HDLBP: variants seen among roughly 807,000 people sequenced by gnomAD.
HDLBP encodes the protein high density lipoprotein binding protein, also known as vigilin.
In HDLBP, 30 loss-of-function variants were observed where a neutral mutation model predicts 137.3. The observed-to-expected ratio is 0.22, with a 90% CI of 0.16 to 0.30. The LOEUF is 0.30. Among genes scored for constraint, HDLBP ranks in the 10% least tolerant of loss-of-function variants. The pLI is 1.00. For missense variants in HDLBP, 1,119 were observed against 1,667.3 expected (o/e 0.67, Z 5.73); for synonymous variants, 606 against 596.0 (o/e 1.02, Z -0.24).
At chr2:241,312,607 T>C (rs955734194) in intron 1 of HDLBP, among the ~76,000 whole-genome samples, 1 of 152,212 alleles carries the variant, frequency 6.6e-6, no homozygotes, top group Non-Finnish European at 1.5e-5. Flanking sequence ...ACTTGGCAAT[T>C]GGGAAAGCCG....
intron 1 of HDLBP, among the ~76,000 whole-genome samples, chr2:241,311,960 A>G (rs1365504409): frequency 2.6e-5 from 4 of 152,224 alleles, no homozygotes; most frequent in African/African-American, 9.7e-5. Flanking sequence ...TAGGAGACAC[A>G]AATACAGACG....
intron 21 of HDLBP, 103 bp from the exon 22 acceptor site, chr2:241,235,697 G>C (rs530704290): frequency 2.7e-6 from 2 of 745,418 alleles, no homozygotes; most frequent in African/African-American, 3.4e-5. Flanking sequence ...ACAGCCCTAT[G>C]ACAACAGCAA....
rs2070780211 is a variant in HDLBP, at chr2:241,238,101, TGA to T, written c.2749+546_2749+547del. On this transcript the variant is annotated intron_variant, in intron 20 of 27. Transcript: ENST00000310931. This position sits in a 1 kb window ranked among gnomAD's most constrained non-coding sequence, Gnocchi z 4.9. Reference sequence around the variant, plus strand: ...TTTTGTTTCACAAATGCAGAGCAAGTGAGAGAGAGGCAACCGACCCGCATCCC... The same window carrying T: ...TTTTGTTTCACAAATGCAGAGCAAGTGAGAGAGGCAACCGACCCGCATCCC... 6.6e-6 allele frequency among the ~76,000 whole-genome samples: 1 copy of T among 152,122 alleles called. No individual in the cohort carries two copies. Among genetic ancestry groups the T allele is most frequent in the African/African-American group, 2.4e-5 (1 of 41,410 alleles).
Position 241,264,501 on chromosome 2 carries a change from C to A in HDLBP, c.181G>T (p.Ala61Ser), listed in dbSNP as rs11891776. The change falls in exon 4 of 28, where the codon GCT (alanine) becomes TCT (serine). Residue 61 changes from alanine to serine, a missense_variant. Coordinates refer to ENST00000310931, the MANE Select transcript of HDLBP (RefSeq NM_005336.6). Reference sequence around the variant, plus strand: ...CGGATCTTGTTCCCCCAGGCTCCAGCGGGTTCCTGGGCACTTTCCAGGCAA... The same window carrying A: ...CGGATCTTGTTCCCCCAGGCTCCAGAGGGTTCCTGGGCACTTTCCAGGCAA... ...AACLESAQEPAGAWGNKIRPI... is the reference protein window; with the variant it reads ...AACLESAQEPSGAWGNKIRPI... The A allele has an allele frequency of 3.5e-5, 57 of 1,613,346 alleles. No individual in the cohort carries two copies. The highest frequency in any genetic ancestry group is 4.3e-5 in the Non-Finnish European group (51 of 1,179,510).
At chr2:241,305,678 T>C (rs1489746190) in intron 1 of HDLBP, among the ~76,000 whole-genome samples, 1 of 151,916 alleles carries the variant, frequency 6.6e-6, no homozygotes, top group African/African-American at 2.4e-5. Flanking sequence ...GTAACAAAAA[T>C]CACCCTGGTG....
At position 241,239,640 on chromosome 2, in the gene HDLBP, C is replaced by T. The variant is rs1158451246; in HGVS notation, c.2572G>A (p.Ala858Thr). 3.7e-6 allele frequency: 6 copies of T among 1,614,210 alleles called. No homozygotes were observed. The highest frequency in any genetic ancestry group is 4.2e-6 in the Non-Finnish European group (5 of 1,180,030). Residue 858 changes from alanine (A) to threonine (T), a missense_variant, in exon 19 of 28, where the codon GCA (alanine) becomes ACA (threonine). Around this residue, in one of 4 missense-constraint regions of HDLBP, gnomAD observed 618 missense variants for 816.7 expected, o/e 0.76. Coordinates refer to ENST00000310931, the MANE Select transcript of HDLBP (RefSeq NM_005336.6). This position sits in a 1 kb window ranked among gnomAD's most constrained non-coding sequence, Gnocchi z 4.6. ...ATCTCCTGAATGCGTTTCTTGGCTG[C>T]CTCCACACAGTCCTTGGCGCCCTTG... ...TLKGAKDCVE[A>T]AKKRIQEIIE... is the part of the protein sequence containing the mutation.
chr2:241,249,881 T>C lies in HDLBP; in HGVS notation c.1472A>G (p.Gln491Arg). 1 of 1,613,730 alleles carries C rather than the reference T, an allele frequency of 6.2e-7. No homozygotes were observed. Reference protein sequence around the residue: ...IRIEGDPQGVQQAKRELLELA... With the variant: ...IRIEGDPQGVRQAKRELLELA... ...CTCCAGCAGCTCTCGCTTGGCCTGC[T>C]GCACGCCCTGTGGGTCCCCCTCGAT... Residue 491 changes from glutamine (Q) to arginine (R), a missense_variant, in exon 12 of 28, where the codon CAG (glutamine) becomes CGG (arginine). Around this residue, in one of 4 missense-constraint regions of HDLBP, gnomAD observed 425 missense variants for 693.9 expected, o/e 0.61. Coordinates refer to ENST00000310931, the MANE Select transcript of HDLBP (RefSeq NM_005336.6).
chr2:241,299,899 A>G (rs1332735370), intron 1 of HDLBP, among the ~76,000 whole-genome samples: 1 of 138,198 alleles, frequency 7.2e-6, no homozygotes, highest in Non-Finnish European at 1.6e-5. Context: ...TGGGGGACAG[A>G]GCGAGATTCC....
chr2:241,262,040 T>C (rs1185195759), intron 5 of HDLBP, among the ~76,000 whole-genome samples: 1 of 152,252 alleles, frequency 6.6e-6, no homozygotes, highest in Non-Finnish European at 1.5e-5. Flanking sequence ...CTTTAAGTGC[T>C]ACCACTTAGG....
chr2:241,276,204 C>T (rs2074381767), intron 1 of HDLBP, among the ~76,000 whole-genome samples: 1 of 152,096 alleles, frequency 6.6e-6, no homozygotes. Context: ...CTAATTTTAG[C>T]CCTTGTTGAG....
Position 241,235,163 on chromosome 2 carries a change from C to T in HDLBP, c.3102G>A (p.Leu1034=). ...CCTGTAGCTCCTTCACACGCTCCAG[C>T]AGTCCAGCCTTGGCCCGGTCCAAAT... is the stretch of plus-strand genomic sequence containing the variant. ...AANLDRAKAG[L]LERVKELQAE... Residue 1034 remains leucine, a synonymous_variant, in exon 23 of 28, where the codon CTG becomes CTA. Transcript: ENST00000310931. 6.2e-7 allele frequency: 1 copy of T among 1,614,136 alleles called. No individual in the cohort carries two copies. Among genetic ancestry groups the T allele is most frequent in the African/African-American group, 1.3e-5 (1 of 75,068 alleles).
At chr2:241,308,641 T>C (rs1456372848) in intron 1 of HDLBP, among the ~76,000 whole-genome samples, 1 of 152,210 alleles carries the variant, frequency 6.6e-6, no homozygotes, top group Non-Finnish European at 1.5e-5. Context: ...CCTGGGTAGA[T>C]GGTAGACTGA....
chr2:241,236,278 C>T (rs541812623), intron 21 of HDLBP: 22 of 331,594 alleles, frequency 6.6e-5, no homozygotes, highest in African/African-American at 3.3e-4. Flanking sequence ...CCCACTCACG[C>T]GGGGGGAGAC....
At chr2:241,249,414 G>A (rs187310448) in intron 12 of HDLBP, 1 of 476,110 alleles carries the variant, frequency 2.1e-6, no homozygotes, top group Non-Finnish European at 4.3e-6. Flanking sequence ...GGGGAGCCCA[G>A]AGCAGTGCAG....
chr2:241,249,349 CT>C, intron 12 of HDLBP: 1 of 471,424 alleles, frequency 2.1e-6, no homozygotes. Context: ...GTGTGGGTAT[CT>C]GACTCACAGA....
Position 241,272,890 on chromosome 2 carries a change from C to G in HDLBP, c.-102-4349G>C. ...GGGCGGCGGCCCAATCCCGCCTGGA[C>G]ACGTCAGCGCCCGCCCGCCCCGCCG... On this transcript the variant is annotated intron_variant, in intron 1 of 27. Coordinates refer to ENST00000310931, the MANE Select transcript of HDLBP (RefSeq NM_005336.6). The surrounding 1 kb of genome is among the most constrained non-coding windows in gnomAD (Gnocchi z 5.6). 2 of 475,978 alleles carry G rather than the reference C, an allele frequency of 4.2e-6. No individual in the cohort carries two copies. The allele number at this position is 475,978 out of a possible 1,614,324, so 29.5% of individuals were successfully genotyped here.
intron 1 of HDLBP, among the ~76,000 whole-genome samples, chr2:241,311,036 C>T (rs1349386532): frequency 6.6e-6 from 1 of 152,030 alleles, no homozygotes; most frequent in Non-Finnish European, 1.5e-5. Flanking sequence ...ATCACTCAAG[C>T]CCAGGAGATT....
intron 17 of HDLBP, among the ~76,000 whole-genome samples, chr2:241,241,566 C>CAAAAAA (rs56864201): frequency 6.4e-5 from 2 of 31,470 alleles, no homozygotes; most frequent in Admixed American, 4.8e-4. Flanking sequence ...GACTCCGTCT[C>CAAAAAA]AAAAAAAAAA....
chr2:241,227,621 C>T lies in HDLBP; in HGVS notation c.*1980G>A, dbSNP rs1270337252. The T allele has an allele frequency of 2.0e-5, 3 of 152,618 alleles. No individual in the cohort carries two copies. The highest frequency in any genetic ancestry group is 2.9e-5 in the Non-Finnish European group (2 of 68,062). 9.5% of individuals were successfully genotyped at this position (152,618 alleles called of 1,614,324 possible). On this transcript the variant is annotated 3_prime_UTR_variant, in exon 28 of 28. Coordinates refer to ENST00000310931, the MANE Select transcript of HDLBP (RefSeq NM_005336.6). The stretch of plus-strand genomic sequence containing the variant: ...TTTAGGAAAGGGCTCGCGTCTAAGA[C>T]ATCAAGCGACATACAGAGATGTGCA...
Sources: gnomAD v4.1 joint callset for allele counts (sites outside exome capture counted in the v4.1 genomes callset) on GRCh38, gnomAD v4.1.1 for gene constraint, gnomAD v4.1.1 regional missense constraint, Gnocchi (gnomAD v3.1) non-coding constraint, MANE v1.5 for transcripts, NCBI Gene and HGNC (gene_info 2026-07-23, HGNC 2026-07-21) for gene names.